The following NOD1 variants were observed in gnomAD, a reference collection of about 807,000 sequenced individuals.
NOD1 encodes the protein nucleotide-binding oligomerization domain-containing protein 1.
NOD1 carries 70 observed loss-of-function variants against 81.2 expected under a neutral mutation model. That is an observed-to-expected ratio of 0.86 (90% CI 0.71 to 1.05). The LOEUF (loss-of-function observed/expected upper bound fraction) is 1.05, where lower values mean the gene tolerates loss of function less well. Among genes scored for constraint, NOD1 ranks in the 50% least tolerant of loss-of-function variants. NOD1 has a pLI of 0.00. For synonymous variants in NOD1, 508 were observed against 526.9 expected, an observed-to-expected ratio of 0.96 and a Z score of 0.49; for missense variants, 1,233 against 1,228.0, an observed-to-expected ratio of 1.00 and a Z score of -0.06.
intron 11 of NOD1, chr7:30,433,479 C>T (rs1398261770): frequency 6.0e-6 from 2 of 332,986 alleles, no homozygotes; most frequent in East Asian, 5.7e-5. Context: ...AAGATGGGGG[C>T]CCACGGAAAA....
At chr7:30,471,273 A>T (rs1344895589) in intron 1 of NOD1, among the ~76,000 whole-genome samples, 1 of 152,190 alleles carries the variant, frequency 6.6e-6, no homozygotes, top group East Asian at 1.9e-4. Context: ...TCTGCCCCAG[A>T]CACTGCACCC....
At chr7:30,435,639 G>C (rs560073578) in intron 11 of NOD1, among the ~76,000 whole-genome samples, 1 of 152,232 alleles carries the variant, frequency 6.6e-6, no homozygotes, top group African/African-American at 2.4e-5. Flanking sequence ...CAGCCCCTGG[G>C]ATAATTCCTG....
intron 1 of NOD1, among the ~76,000 whole-genome samples, chr7:30,462,195 C>G (rs1399440721): frequency 6.6e-6 from 1 of 152,216 alleles, no homozygotes; most frequent in African/African-American, 2.4e-5. Context: ...TTCACTGCTG[C>G]ATACAATTTT....
chr7:30,455,326 AGCATGAGGGCACGGGCTG>A lies in NOD1; in HGVS notation c.202-33_202-16del, dbSNP rs1231329736. ...ATTTTGCGGACCTGGAGGTGACACAAGCATGAGGGCACGGGCTGGCATGAGGGGCATCCTCCTACCATA... is the reference window on the plus strand; with the variant it reads ...ATTTTGCGGACCTGGAGGTGACACAAGCATGAGGGGCATCCTCCTACCATA... On this transcript the variant is annotated splice_polypyrimidine_tract_variant and intron_variant, in intron 4 of 13. Coordinates refer to ENST00000222823, the MANE Select transcript of NOD1 (RefSeq NM_006092.4). The A allele has an allele frequency of 6.2e-7, 1 of 1,606,850 alleles. No homozygotes were observed. Among genetic ancestry groups the A allele is most frequent in the Non-Finnish European group, 8.5e-7 (1 of 1,174,384 alleles).
At position 30,462,148 on chromosome 7, in the gene NOD1, A is replaced by C. The variant is rs73309250; in HGVS notation, c.-351-2107T>G. Among the ~76,000 whole-genome samples, 1,310 of 152,312 alleles carry C rather than the reference A, an allele frequency of 8.6e-3. 20 individuals carry two copies. Among genetic ancestry groups the C allele is most frequent in the African/African-American group, 0.029 (1,219 of 41,568 alleles). The stretch of plus-strand genomic sequence containing the variant: ...CTGCAAACTCAGGAAGAAAATACAC[A>C]CTGGACCTACTGGTTTATACTCAAT... On this transcript the variant is annotated intron_variant, in intron 1 of 13. Coordinates refer to ENST00000222823, the MANE Select transcript of NOD1 (RefSeq NM_006092.4).
At chr7:30,447,161 G>C (rs570071934) in intron 7 of NOD1, 111 bp from the exon 8 acceptor site, 1 of 1,582,452 alleles carries the variant, frequency 6.3e-7, no homozygotes, top group South Asian at 1.1e-5. Flanking sequence ...GGGTTGAAAG[G>C]GGAACACACA....
intron 10 of NOD1, 79 bp from the exon 11 acceptor site, chr7:30,436,160 G>A: frequency 8.4e-7 from 1 of 1,185,706 alleles, no homozygotes. Context: ...GAACAGCTGG[G>A]AAGCCTCTGC....
chr7:30,451,944 T>G lies in NOD1; in HGVS notation c.1473A>C (p.Arg491Ser). Reference protein sequence around the residue: ...EEVQASGLQERDMQLGFLRAL... With the variant: ...EEVQASGLQESDMQLGFLRAL... Reference sequence around the variant, plus strand: ...CCCGCAGGAAGCCCAGCTGCATGTCTCTCTCCTGCAGCCCGGAGGCCTGCA... The same window carrying G: ...CCCGCAGGAAGCCCAGCTGCATGTCGCTCTCCTGCAGCCCGGAGGCCTGCA... The change falls in exon 6 of 14, where the codon AGA becomes AGC. Residue 491 changes from arginine (R) to serine (S), a missense_variant. Arg to Ser is a moderately radical substitution (Grantham distance 110). Transcript: ENST00000222823. The surrounding 1 kb of genome is among the most constrained non-coding windows in gnomAD (Gnocchi z 4.2). 1 of 1,613,470 alleles carries G rather than the reference T, an allele frequency of 6.2e-7. No homozygotes were observed. The highest frequency in any genetic ancestry group is 8.5e-7 in the Non-Finnish European group (1 of 1,179,984).
At chr7:30,439,706 C>A (rs1360748709) in intron 9 of NOD1, among the ~76,000 whole-genome samples, 1,051 of 99,572 alleles carry the variant, frequency 0.011, 14 homozygotes, top group South Asian at 0.038. Flanking sequence ...CCCAGGCTTG[C>A]TTAGGTAAAC....
intron 1 of NOD1, among the ~76,000 whole-genome samples, chr7:30,477,444 G>A (rs1455060375): frequency 6.6e-6 from 1 of 152,208 alleles, no homozygotes; most frequent in African/African-American, 2.4e-5. Context: ...ATCTTCAACA[G>A]GGGCTTTGAG....
At chr7:30,433,418 A>G (rs1784118459) in intron 11 of NOD1, 1 of 519,936 alleles carries the variant, frequency 1.9e-6, no homozygotes, top group Admixed American at 3.7e-5. Flanking sequence ...AGCTACCTGT[A>G]GAGGAGCCCA....
rs1371276285 is a variant in NOD1, at chr7:30,453,005, C to T, written c.412G>A (p.Gly138Ser). The T allele has an allele frequency of 1.9e-6, 3 of 1,613,016 alleles. No individual in the cohort carries two copies. Among genetic ancestry groups the T allele is most frequent in the African/African-American group, 2.7e-5 (2 of 75,026 alleles). The change falls in exon 6 of 14, where the codon GGC becomes AGC. Residue 138 changes from glycine to serine, a missense_variant. Coordinates refer to ENST00000222823, the MANE Select transcript of NOD1 (RefSeq NM_006092.4). ...CACAGCACGAACTTGGAGTCACGGC[C>T]CAGATGGTGTCGCAGCTGCTGGGTA... ...RYTQQLRHHL[G>S]RDSKFVLCYA...
intron 10 of NOD1, among the ~76,000 whole-genome samples, chr7:30,436,682 G>A (rs1784408570): frequency 6.6e-6 from 1 of 152,194 alleles, no homozygotes; most frequent in African/African-American, 2.4e-5. Context: ...CTGCACTTAG[G>A]AAACCCTCCC....
intron 12 of NOD1, among the ~76,000 whole-genome samples, chr7:30,432,660 G>A (rs1034725166): frequency 1.3e-5 from 2 of 152,158 alleles, no homozygotes; most frequent in African/African-American, 2.4e-5. Flanking sequence ...GTAGCATTAC[G>A]CATAATAGTC....
intron 1 of NOD1, among the ~76,000 whole-genome samples, chr7:30,475,470 C>T (rs984579606): frequency 2.6e-5 from 4 of 152,332 alleles, no homozygotes; most frequent in Admixed American, 2.0e-4. Context: ...AAAACAAATT[C>T]TAAAGTGGCA....
chr7:30,470,315 G>C (rs1788142724), intron 1 of NOD1, among the ~76,000 whole-genome samples: 2 of 152,208 alleles, frequency 1.3e-5, no homozygotes, highest in African/African-American at 4.8e-5. Flanking sequence ...ACCTACAAGA[G>C]GGCAGCCTAG....
rs1787833975 is a variant in NOD1, at chr7:30,467,643, CAATA to C, written c.-351-7606_-351-7603del. On this transcript the variant is annotated intron_variant, in intron 1 of 13. Transcript: ENST00000222823. The surrounding 1 kb of genome is among the most constrained non-coding windows in gnomAD (Gnocchi z 4.5). ...CTCTTCCTGTTTTGTGAAAGTATCA[CAATA>C]AATCTGATGGGATTGTGGGTGGGAA... is the stretch of plus-strand genomic sequence containing the variant. 6.6e-6 allele frequency among the ~76,000 whole-genome samples: 1 copy of C among 152,296 alleles called. No individual in the cohort carries two copies. Among genetic ancestry groups the C allele is most frequent in the African/African-American group, 2.4e-5 (1 of 41,540 alleles).
intron 11 of NOD1, among the ~76,000 whole-genome samples, chr7:30,434,333 T>G (rs1306894121): frequency 1.3e-5 from 2 of 152,220 alleles, no homozygotes; most frequent in East Asian, 3.9e-4. Context: ...ACTATCCATG[T>G]GATTTCACTC....
Position 30,437,588 on chromosome 7 carries a change from C to A in NOD1, c.2522G>T (p.Ser841Ile). ...CCACAGTTACCTCAGGGTGGTCAAG[C>A]TGGGGTGGTTCCGCAGAGCCTCTGC... ...AFAEALRNHP[S>I]LTTLSLASNG... is the part of the protein sequence containing the mutation. Residue 841 changes from serine (S) to isoleucine (I), a missense_variant, in exon 10 of 14, where the codon AGC becomes ATC. By Grantham distance (142) the Ser-to-Ile change is moderately radical. Coordinates refer to ENST00000222823, the MANE Select transcript of NOD1 (RefSeq NM_006092.4). 6.6e-7 allele frequency: 1 copy of A among 1,507,398 alleles called. No individual in the cohort carries two copies. 93.4% of individuals were successfully genotyped at this position (1,507,398 alleles called of 1,614,324 possible). A position where few individuals can be genotyped will look rare whatever the true frequency, so the allele number is the denominator to read the frequency against.
Sources: gnomAD v4.1 joint callset for allele counts (sites outside exome capture counted in the v4.1 genomes callset) on GRCh38, gnomAD v4.1.1 for gene constraint, Gnocchi (gnomAD v3.1) non-coding constraint, MANE v1.5 for transcripts, NCBI Gene and HGNC (gene_info 2026-07-23, HGNC 2026-07-21) for gene names.